Variants in NUDT3 observed in about 807,000 individuals in gnomAD.
The protein encoded by NUDT3 is diphosphoinositol polyphosphate phosphohydrolase 1.
Under a neutral mutation model 23.6 loss-of-function variants are expected in NUDT3, and 9 were observed. The observed-to-expected ratio is 0.38, with a 90% confidence interval of 0.23 to 0.66. The LOEUF is 0.66. Ranked by LOEUF, NUDT3 falls within the 30% of genes least tolerant of loss-of-function variation. NUDT3 has a pLI of 0.52. For missense variants in NUDT3, 172 were observed against 218.5 expected (o/e 0.79, Z 1.34); for synonymous variants, 86 against 82.6 (o/e 1.04, Z -0.22).
At chr6:34,336,551 C>T (rs78853450) in intron 2 of NUDT3, among the ~76,000 whole-genome samples, 2,037 of 152,120 alleles carry the variant, frequency 0.013, 22 homozygotes, top group Middle Eastern at 0.024. Flanking sequence ...CTTTGCTGTG[C>T]GGAAGGTTTT....
chr6:34,299,220 GTA>G (rs1763560029), intron 2 of NUDT3, among the ~76,000 whole-genome samples: 1 of 152,116 alleles, frequency 6.6e-6, no homozygotes, highest in Non-Finnish European at 1.5e-5. Context: ...GAATTCAAGG[GTA>G]TATTAAATTT....
chr6:34,348,891 G>C lies in NUDT3; in HGVS notation c.100-6919C>G, dbSNP rs112609511. 9.9e-3 allele frequency among the ~76,000 whole-genome samples: 1,494 copies of C among 151,176 alleles called. 13 individuals are homozygous for C. The highest frequency in any genetic ancestry group is 0.015 in the Non-Finnish European group (1,044 of 67,816). ...TTTTTTTTTTTTTAGACAGGATCTC[G>C]CTCTTTTGCCCAGGCTAGAGCGCAG... On this transcript the variant is annotated intron_variant, in intron 1 of 4. Coordinates refer to ENST00000607016, the MANE Select transcript of NUDT3 (RefSeq NM_006703.4).
At chr6:34,356,841 A>T (rs962444949) in intron 1 of NUDT3, among the ~76,000 whole-genome samples, 2 of 152,010 alleles carry the variant, frequency 1.3e-5, no homozygotes, top group African/African-American at 4.8e-5. Context: ...GCAGTGGCGC[A>T]ATCTTGGCTC....
chr6:34,311,419 C>G (rs1763770560), intron 2 of NUDT3, among the ~76,000 whole-genome samples: 1 of 152,074 alleles, frequency 6.6e-6, no homozygotes, highest in Admixed American at 6.6e-5. Context: ...ACAAAACTTT[C>G]AGATATCAAA....
At chr6:34,292,604 T>C (rs766988995) in intron 4 of NUDT3, among the ~76,000 whole-genome samples, 1 of 151,290 alleles carries the variant, frequency 6.6e-6, no homozygotes, top group Non-Finnish European at 1.5e-5. Flanking sequence ...ATATAAAATA[T>C]GAAAAAATAT....
At position 34,280,940 on chromosome 6, in the gene NUDT3, T is replaced by C. The variant is rs967175148; in HGVS notation, c.*7813A>G. ...GAGGGAAAAGGGACAAGAAATACTT[T>C]TGTCCTCTAGAAAAACTTAACTCAA... On this transcript the variant is annotated 3_prime_UTR_variant, in exon 5 of 5. Coordinates refer to ENST00000607016, the MANE Select transcript of NUDT3 (RefSeq NM_006703.4). 2 of 152,200 alleles carry C rather than the reference T, an allele frequency of 1.3e-5. No individual in the cohort carries two copies. Among genetic ancestry groups the C allele is most frequent in the African/African-American group, 4.8e-5 (2 of 41,448 alleles). 9.4% of individuals were successfully genotyped at this position (152,200 alleles called of 1,614,324 possible).
intron 1 of NUDT3, among the ~76,000 whole-genome samples, chr6:34,367,245 G>C (rs1764750116): frequency 6.6e-6 from 1 of 152,000 alleles, no homozygotes; most frequent in Admixed American, 6.6e-5. Flanking sequence ...ACTTTGGGAG[G>C]CTGAGGTGAG....
At chr6:34,342,048 C>A in intron 1 of NUDT3, 76 bp from the exon 2 acceptor site, 1 of 1,304,516 alleles carries the variant, frequency 7.7e-7, no homozygotes. Context: ...GTTTAAACAC[C>A]ACAAACATCA....
intron 1 of NUDT3, among the ~76,000 whole-genome samples, chr6:34,380,171 C>A (rs1167387135): frequency 4.6e-5 from 7 of 152,048 alleles, no homozygotes. Context: ...GCAACTTCCA[C>A]CTCCCGAGTA....
chr6:34,379,378 G>A (rs1425277059), intron 1 of NUDT3, among the ~76,000 whole-genome samples: 1 of 151,816 alleles, frequency 6.6e-6, no homozygotes, highest in African/African-American at 2.4e-5. Context: ...TGGCCAACAT[G>A]GCGAAACCCC....
chr6:34,334,378 C>T (rs1159757543), intron 2 of NUDT3, among the ~76,000 whole-genome samples: 3 of 152,156 alleles, frequency 2.0e-5, no homozygotes, highest in African/African-American at 4.8e-5. Context: ...GTGGCTCACA[C>T]CTGTAATCCC....
intron 1 of NUDT3, among the ~76,000 whole-genome samples, chr6:34,376,125 T>C (rs1156453183): frequency 6.6e-6 from 1 of 152,186 alleles, no homozygotes; most frequent in Non-Finnish European, 1.5e-5. Flanking sequence ...CACTTCAAAT[T>C]CGACATGACA....
At position 34,288,849 on chromosome 6, in the gene NUDT3, T is replaced by G; in HGVS notation, c.423A>C (p.Glu141Asp). 6.2e-7 allele frequency: 1 copy of G among 1,614,144 alleles called. No homozygotes were observed. Residue 141 changes from glutamate (E) to aspartate (D), a missense_variant, in exon 5 of 5, where the codon GAA (glutamate) becomes GAC (aspartate). Physicochemically the swap from Glu to Asp is conservative, Grantham distance 45. Coordinates refer to ENST00000607016, the MANE Select transcript of NUDT3 (RefSeq NM_006703.4). The part of the protein sequence containing the change: ...YHKPVQASYF[E>D]TLRQGYSANN... Reference sequence around the variant, plus strand: ...TGGCTGAGTAGCCTTGCCTCAATGTTTCAAAATATGATGCCTGCACGGGTT... The same window carrying G: ...TGGCTGAGTAGCCTTGCCTCAATGTGTCAAAATATGATGCCTGCACGGGTT...
rs774242306 is a variant in NUDT3 at position 34,392,414 on chromosome 6, G to A, written c.-52C>T. 2 of 1,457,168 alleles carry A rather than the reference G, an allele frequency of 1.4e-6. No individual in the cohort carries two copies. Among genetic ancestry groups the A allele is most frequent in the East Asian group, 2.5e-5 (1 of 40,182 alleles). The allele number at this position is 1,457,168 out of a possible 1,614,324, so 90.3% of individuals were successfully genotyped here. On this transcript the variant is annotated 5_prime_UTR_variant, in exon 1 of 5. Transcript: ENST00000607016. ...GCGGGTCGCAGGAGTCGAGGGGTGG[G>A]GAGCCCGCTCTGGACGGCCGCGTGC... is the stretch of plus-strand genomic sequence containing the variant.
In NUDT3 at chr6:34,280,424, G is replaced by C. The variant is rs1763267573; in HGVS notation, c.*8329C>G. On this transcript the variant is annotated 3_prime_UTR_variant, in exon 5 of 5. Coordinates refer to ENST00000607016, the MANE Select transcript of NUDT3 (RefSeq NM_006703.4). ...AAATCCTGGACAGCATTTGGATTGG[G>C]GGTAAGGGCAATTTTACTCCAGCTC... The C allele has an allele frequency of 6.6e-6, 1 of 152,172 alleles. No individual in the cohort carries two copies. The highest frequency in any genetic ancestry group is 6.5e-5 in the Admixed American group (1 of 15,272). The allele number at this position is 152,172 out of a possible 1,614,324, so 9.4% of individuals were successfully genotyped here. A position where few individuals can be genotyped will look rare whatever the true frequency, so the allele number is the denominator to read the frequency against.
intron 2 of NUDT3, among the ~76,000 whole-genome samples, chr6:34,314,214 G>A (rs1763823740): frequency 6.6e-6 from 1 of 151,994 alleles, no homozygotes; most frequent in Non-Finnish European, 1.5e-5. Flanking sequence ...CTTGAGGCCA[G>A]GAGTTTGAGA....
At chr6:34,319,248 T>C (rs1763904785) in intron 2 of NUDT3, among the ~76,000 whole-genome samples, 2 of 152,100 alleles carry the variant, frequency 1.3e-5, no homozygotes, top group Admixed American at 1.3e-4. Flanking sequence ...TCTGAATCTA[T>C]CTACCGGAAG....
At chr6:34,302,752 A>C (rs1763619032) in intron 2 of NUDT3, among the ~76,000 whole-genome samples, 1 of 152,170 alleles carries the variant, frequency 6.6e-6, no homozygotes, top group African/African-American at 2.4e-5. Context: ...AAAACAAAAA[A>C]CAAAAAAACA....
intron 1 of NUDT3, among the ~76,000 whole-genome samples, chr6:34,387,895 T>C (rs1765134118): frequency 6.6e-6 from 1 of 152,160 alleles, no homozygotes; most frequent in South Asian, 2.1e-4. Flanking sequence ...AGCTGTACAG[T>C]GTTTCTGTAG....
Sources: allele counts gnomAD v4.1 joint callset (sites outside exome capture counted in the v4.1 genomes callset), GRCh38; gene constraint gnomAD v4.1.1; transcripts MANE v1.5; gene names NCBI Gene and HGNC (gene_info 2026-07-23, HGNC 2026-07-21).